The following NALCN variants were observed in gnomAD, a reference collection of about 807,000 sequenced individuals.
NALCN encodes the protein sodium leak channel, non-selective.
Under a neutral mutation model 225.3 loss-of-function variants are expected in NALCN, and 111 were observed. The ratio of observed to expected loss-of-function variants is 0.49; its 90% CI spans 0.42 to 0.58. The LOEUF is 0.58. NALCN is among the 20% of genes least tolerant of loss of function. NALCN has a pLI of 0.00. For missense variants in NALCN, 1,378 were observed against 2,202.4 expected (o/e 0.63, Z 7.49); for synonymous variants, 764 against 769.0 (o/e 0.99, Z 0.11).
At chr13:101,140,685 A>G (rs527825158) in intron 17 of NALCN, among the ~76,000 whole-genome samples, 19 of 152,240 alleles carry the variant, frequency 1.2e-4, no homozygotes, top group Non-Finnish European at 2.1e-4. Flanking sequence ...CCACTGACAT[A>G]TGACCTTCTG....
chr13:101,278,925 T>G lies in NALCN; in HGVS notation c.1134+5008A>C, dbSNP rs566024257. Among the ~76,000 whole-genome samples the G allele has an allele frequency of 4.6e-5, 7 of 152,302 alleles. No individual in the cohort carries two copies. In the South Asian group the frequency reaches 1.5e-3, roughly 32 times the overall value. ...GACCAGGAGGACAAACAGAGCAGCTTCTAAGCGAGAGGTCAAATAAGTACT... is the reference window on the plus strand; with the variant it reads ...GACCAGGAGGACAAACAGAGCAGCTGCTAAGCGAGAGGTCAAATAAGTACT... On this transcript the variant is annotated intron_variant, in intron 10 of 43. Coordinates refer to ENST00000251127, the MANE Select transcript of NALCN (RefSeq NM_052867.4).
intron 40 of NALCN, among the ~76,000 whole-genome samples, chr13:101,064,260 C>T (rs2032188626): frequency 6.6e-6 from 1 of 152,096 alleles, no homozygotes. Context: ...AAGAGAATGA[C>T]ACATTTCAAA....
At chr13:101,094,092 G>A (rs957206698) in intron 28 of NALCN, among the ~76,000 whole-genome samples, 4 of 152,162 alleles carry the variant, frequency 2.6e-5, no homozygotes, top group African/African-American at 9.7e-5. Context: ...GCAGTCTTTG[G>A]GTGATTCTCA....
At chr13:101,400,042 C>T (rs1301435092) in intron 1 of NALCN, among the ~76,000 whole-genome samples, 1 of 151,982 alleles carries the variant, frequency 6.6e-6, no homozygotes, top group African/African-American at 2.4e-5. Flanking sequence ...TTGATTAGCA[C>T]CTGGATTGAG....
chr13:101,100,510 G>C (rs1022988921), intron 27 of NALCN, among the ~76,000 whole-genome samples: 6 of 152,188 alleles, frequency 3.9e-5, no homozygotes, highest in East Asian at 1.9e-4. Flanking sequence ...GTTTTATAGG[G>C]AGTTCTTAAA....
chr13:101,322,487 T>C (rs570732655), intron 7 of NALCN, among the ~76,000 whole-genome samples: 2 of 152,348 alleles, frequency 1.3e-5, no homozygotes, highest in African/African-American at 4.8e-5. Flanking sequence ...TTCCAGTTTA[T>C]TAATTCAATA....
intron 7 of NALCN, among the ~76,000 whole-genome samples, chr13:101,323,706 G>A (rs538412645): frequency 1.3e-5 from 2 of 152,176 alleles, no homozygotes; most frequent in South Asian, 2.1e-4. Context: ...GTTTTATAAT[G>A]GAATCCAGTA....
intron 13 of NALCN, among the ~76,000 whole-genome samples, chr13:101,194,221 A>G (rs925892921): frequency 5.9e-5 from 9 of 152,106 alleles, no homozygotes; most frequent in Non-Finnish European, 2.9e-5. Context: ...CACTGGGGTT[A>G]TCCTCTTTTC....
At chr13:101,203,741 C>T (rs1004290916) in intron 13 of NALCN, among the ~76,000 whole-genome samples, 1 of 152,168 alleles carries the variant, frequency 6.6e-6, no homozygotes, top group Non-Finnish European at 1.5e-5. Context: ...ATTCTATAAT[C>T]TATTAACTGT....
chr13:101,416,852 G>A (rs1358461102), upstream of NALCN, among the ~76,000 whole-genome samples: 1 of 152,114 alleles, frequency 6.6e-6, no homozygotes. Context: ...TAAGTGCACT[G>A]CCAGGAGGCC....
chr13:101,309,310 T>A (rs1274657921), intron 7 of NALCN, among the ~76,000 whole-genome samples: 1 of 152,184 alleles, frequency 6.6e-6, no homozygotes, highest in Non-Finnish European at 1.5e-5. Flanking sequence ...CAAGCCTGCA[T>A]CTTGTTATTC....
chr13:101,277,932 G>A (rs985539038), intron 10 of NALCN, among the ~76,000 whole-genome samples: 2 of 152,154 alleles, frequency 1.3e-5, no homozygotes, highest in Non-Finnish European at 2.9e-5. Flanking sequence ...CTAGCCAGGT[G>A]GAAATGAGAG....
chr13:101,313,005 C>T (rs1276783462), intron 7 of NALCN, among the ~76,000 whole-genome samples: 1 of 152,116 alleles, frequency 6.6e-6, no homozygotes, highest in Non-Finnish European at 1.5e-5. Context: ...TGGAACAGAA[C>T]AGAGCCCTCA....
chr13:101,322,674 T>C (rs1380939328), intron 7 of NALCN, among the ~76,000 whole-genome samples: 1 of 152,176 alleles, frequency 6.6e-6, no homozygotes, highest in African/African-American at 2.4e-5. Context: ...ATAGAAGTAT[T>C]GAAACTAATT....
At chr13:101,082,194 G>C (rs1299481164) in intron 33 of NALCN, among the ~76,000 whole-genome samples, 1 of 152,104 alleles carries the variant, frequency 6.6e-6, no homozygotes, top group African/African-American at 2.4e-5. Flanking sequence ...TCTATTTAAA[G>C]AATAATTGTA....
rs189125152 is a variant in NALCN, at chr13:101,201,134, T to G, written c.1627-9080A>C. On this transcript the variant is annotated intron_variant, in intron 13 of 43. Transcript: ENST00000251127. ...TAGAATGGAAAGGACTAAGGAACTATGGAAGGGGTCTATACTATTTTTTTT... is the reference window on the plus strand; with the variant it reads ...TAGAATGGAAAGGACTAAGGAACTAGGGAAGGGGTCTATACTATTTTTTTT... 3.7e-4 allele frequency among the ~76,000 whole-genome samples: 56 copies of G among 152,282 alleles called. No homozygotes were observed. In the East Asian group the frequency reaches 0.011, roughly 29 times the overall value.
At chr13:101,105,446 C>A (rs951364375) in intron 22 of NALCN, among the ~76,000 whole-genome samples, 2 of 152,108 alleles carry the variant, frequency 1.3e-5, no homozygotes, top group Non-Finnish European at 2.9e-5. Context: ...TTTCAGGAAG[C>A]CTGTGAGCAC....
At chr13:101,348,442 G>C (rs2045810035) in intron 6 of NALCN, among the ~76,000 whole-genome samples, 1 of 152,104 alleles carries the variant, frequency 6.6e-6, no homozygotes, top group African/African-American at 2.4e-5. Flanking sequence ...TTCCTAGATT[G>C]AAACTCCAGC....
chr13:101,231,059 C>A (rs960737283), intron 12 of NALCN, among the ~76,000 whole-genome samples: 3 of 152,068 alleles, frequency 2.0e-5, no homozygotes, highest in African/African-American at 4.8e-5. Flanking sequence ...ATAGGCCATA[C>A]CATATAGCCT....
Sources: allele counts gnomAD v4.1 joint callset (sites outside exome capture counted in the v4.1 genomes callset), GRCh38; gene constraint gnomAD v4.1.1; transcripts MANE v1.5; gene names NCBI Gene and HGNC (gene_info 2026-07-23, HGNC 2026-07-21).